The following OXCT1 variants were observed in gnomAD, a reference collection of about 807,000 sequenced individuals.
OXCT1 encodes the protein succinyl-CoA:3-ketoacid coenzyme A transferase 1, mitochondrial.
OXCT1 carries 27 observed loss-of-function variants against 69.6 expected under a neutral mutation model. The ratio of observed to expected loss-of-function variants is 0.39; its 90% confidence interval spans 0.29 to 0.54. The LOEUF is 0.54. OXCT1 is among the 20% of genes least tolerant of loss of function. OXCT1 has a pLI of 0.72. For synonymous variants in OXCT1, 202 were observed against 217.8 expected (o/e 0.93, Z 0.64); for missense variants, 437 against 650.2 (o/e 0.67, Z 3.57).
chr5:41,859,315 A>G (rs1376135317), intron 3 of OXCT1, among the ~76,000 whole-genome samples: 1 of 152,234 alleles, frequency 6.6e-6, no homozygotes, highest in Non-Finnish European at 1.5e-5. Flanking sequence ...AGATCTAAGT[A>G]AGAATGAATC....
chr5:41,838,324 T>C (rs1748468108), intron 7 of OXCT1, among the ~76,000 whole-genome samples: 1 of 152,190 alleles, frequency 6.6e-6, no homozygotes, highest in African/African-American at 2.4e-5. Context: ...TTTTCCACTT[T>C]TGAGAGCACA....
At chr5:41,732,903 A>T (rs942572683) in intron 16 of OXCT1, among the ~76,000 whole-genome samples, 6 of 152,224 alleles carry the variant, frequency 3.9e-5, no homozygotes, top group Non-Finnish European at 8.8e-5. Context: ...TCTTCATAGT[A>T]TCAAGAGTTA....
At chr5:41,745,610 A>C (rs1419660057) in intron 15 of OXCT1, among the ~76,000 whole-genome samples, 1 of 152,160 alleles carries the variant, frequency 6.6e-6, no homozygotes, top group Non-Finnish European at 1.5e-5. Context: ...TGAATCCAGG[A>C]GCTGGTTTTT....
intron 16 of OXCT1, among the ~76,000 whole-genome samples, chr5:41,738,390 C>T (rs1742995247): frequency 6.6e-6 from 1 of 152,116 alleles, no homozygotes; most frequent in Non-Finnish European, 1.5e-5. Flanking sequence ...GTGGGTTTTT[C>T]ACATGCTGTT....
intron 14 of OXCT1, among the ~76,000 whole-genome samples, chr5:41,756,431 A>C (rs893491911): frequency 1.3e-5 from 2 of 152,102 alleles, no homozygotes; most frequent in African/African-American, 4.8e-5. Context: ...GCTTGGTTTT[A>C]CTTTTTATTT....
Position 41,731,414 on chromosome 5 carries a change from C to A in OXCT1, c.*315G>T. ...GGAAAGCCACATCAATTTCTAGGGC[C>A]CTTCTTGGGGAAAGGTTCATATAAT... On this transcript the variant is annotated 3_prime_UTR_variant, in exon 17 of 17. Coordinates refer to ENST00000196371, the MANE Select transcript of OXCT1 (RefSeq NM_000436.4). 1 of 1,055,426 alleles carries A rather than the reference C, an allele frequency of 9.5e-7. No homozygotes were observed. Among genetic ancestry groups the A allele is most frequent in the South Asian group, 3.3e-5 (1 of 30,440 alleles). The allele number at this position is 1,055,426 out of a possible 1,614,324, so 65.4% of individuals were successfully genotyped here. A position where few individuals can be genotyped will look rare whatever the true frequency, so the allele number is the denominator to read the frequency against.
chr5:41,865,727 G>C lies in OXCT1; in HGVS notation c.79-2977C>G, dbSNP rs74365224. ...TTAACCACTGCATCTCTTTTTCATGGGGGGAGAAGGTATTTTAAGTTTACA... is the reference window on the plus strand; with the variant it reads ...TTAACCACTGCATCTCTTTTTCATGCGGGGAGAAGGTATTTTAAGTTTACA... On this transcript the variant is annotated intron_variant, in intron 1 of 16. Coordinates refer to ENST00000196371, the MANE Select transcript of OXCT1 (RefSeq NM_000436.4). Among the ~76,000 whole-genome samples, 538 of 152,178 alleles carry C rather than the reference G, an allele frequency of 3.5e-3. 3 individuals are homozygous for C. The highest frequency in any genetic ancestry group is 0.012 in the African/African-American group (509 of 41,516).
At chr5:41,806,793 G>C (rs1432149673) in intron 8 of OXCT1, among the ~76,000 whole-genome samples, 2 of 152,020 alleles carry the variant, frequency 1.3e-5, no homozygotes, top group African/African-American at 4.8e-5. Flanking sequence ...TTCTTTTACA[G>C]CAATGCAAAA....
chr5:41,852,287 C>T (rs1381160945), intron 4 of OXCT1, among the ~76,000 whole-genome samples: 1 of 152,120 alleles, frequency 6.6e-6, no homozygotes, highest in Non-Finnish European at 1.5e-5. Context: ...GGTAACGGTG[C>T]TATAGAGTGA....
At chr5:41,796,014 C>T (rs1746164507) in intron 11 of OXCT1, among the ~76,000 whole-genome samples, 2 of 152,166 alleles carry the variant, frequency 1.3e-5, no homozygotes, top group Non-Finnish European at 2.9e-5. Flanking sequence ...TCTGTACTCT[C>T]TTGCCCCATA....
chr5:41,755,432 C>T (rs1044475079), intron 14 of OXCT1, among the ~76,000 whole-genome samples: 26 of 152,046 alleles, frequency 1.7e-4, no homozygotes, highest in African/African-American at 2.4e-4. Flanking sequence ...AAGAATTATA[C>T]GCTTTTATAA....
At chr5:41,832,828 T>A (rs1196320777) in intron 7 of OXCT1, among the ~76,000 whole-genome samples, 1 of 152,114 alleles carries the variant, frequency 6.6e-6, no homozygotes. Flanking sequence ...TTTAAAAGAA[T>A]CAAGCAGAAA....
intron 7 of OXCT1, among the ~76,000 whole-genome samples, chr5:41,825,317 C>T (rs912066735): frequency 3.3e-5 from 5 of 151,978 alleles, no homozygotes; most frequent in African/African-American, 1.2e-4. Flanking sequence ...AAAAGCTGAA[C>T]CAGAGAAGGT....
At chr5:41,768,996 G>A (rs1398087908) in intron 13 of OXCT1, among the ~76,000 whole-genome samples, 1 of 152,070 alleles carries the variant, frequency 6.6e-6, no homozygotes, top group Non-Finnish European at 1.5e-5. Flanking sequence ...CACATGCCTT[G>A]AGGTTTCTCC....
In OXCT1 at chr5:41,801,566, C is replaced by T. The variant is rs1328013727; in HGVS notation, c.1051-496G>A. 3.9e-5 allele frequency among the ~76,000 whole-genome samples: 6 copies of T among 152,148 alleles called. No homozygotes were observed. In the East Asian group the frequency reaches 5.8e-4, roughly 15 times the overall value. ...TCAAAGAGGAAAAATTTAGTACCTACTATGCAGCCAATGTTATTCAAAAAC... is the reference window on the plus strand; with the variant it reads ...TCAAAGAGGAAAAATTTAGTACCTATTATGCAGCCAATGTTATTCAAAAAC... On this transcript the variant is annotated intron_variant, in intron 10 of 16. Coordinates refer to ENST00000196371, the MANE Select transcript of OXCT1 (RefSeq NM_000436.4).
intron 13 of OXCT1, among the ~76,000 whole-genome samples, chr5:41,784,390 C>T (rs1486930356): frequency 6.6e-6 from 1 of 152,102 alleles, no homozygotes; most frequent in African/African-American, 2.4e-5. Flanking sequence ...GGTCCACCTA[C>T]AAAAAAATCC....
chr5:41,746,573 G>A (rs932699820), intron 15 of OXCT1, among the ~76,000 whole-genome samples: 1 of 152,014 alleles, frequency 6.6e-6, no homozygotes, highest in Non-Finnish European at 1.5e-5. Context: ...AGTTCCAGAC[G>A]TAGATGCTCT....
At chr5:41,739,309 A>G in intron 16 of OXCT1, 81 bp downstream of exon 16, 2 of 941,626 alleles carry the variant, frequency 2.1e-6, no homozygotes, top group Non-Finnish European at 3.5e-6. Flanking sequence ...TCACAAATTA[A>G]TGGTTCATGT....
At chr5:41,788,958 T>A (rs1745782983) in intron 13 of OXCT1, among the ~76,000 whole-genome samples, 1 of 152,160 alleles carries the variant, frequency 6.6e-6, no homozygotes, top group South Asian at 2.1e-4. Context: ...GAAAAATTTT[T>A]AAAAAGTTAT....
Sources: allele counts gnomAD v4.1 joint callset (sites outside exome capture counted in the v4.1 genomes callset), GRCh38; gene constraint gnomAD v4.1.1; transcripts MANE v1.5; gene names NCBI Gene and HGNC (gene_info 2026-07-23, HGNC 2026-07-21).